PLXNC1: variants seen among roughly 807,000 people sequenced by gnomAD.
PLXNC1 encodes plexin-C1.
Under a neutral mutation model 178.2 loss-of-function variants are expected in PLXNC1, and 75 were observed. That is an observed-to-expected ratio of 0.42 (90% CI 0.35 to 0.51). PLXNC1 has a LOEUF of 0.51. Among genes scored for constraint, PLXNC1 ranks in the 20% least tolerant of loss-of-function variants. PLXNC1 has a pLI of 0.02. For synonymous variants in PLXNC1, 790 were observed against 779.9 expected (o/e 1.01, Z -0.22); for missense variants, 1,503 against 1,984.4 (o/e 0.76, Z 4.61).
chr12:94,205,478 TA>T (rs1469708627), intron 4 of PLXNC1, among the ~76,000 whole-genome samples: 4 of 152,250 alleles, frequency 2.6e-5, no homozygotes, highest in African/African-American at 9.6e-5. Flanking sequence ...TTTTGTGGGC[TA>T]ACCTGGAAAC....
At chr12:94,231,619 C>A (rs536455048) in intron 9 of PLXNC1, among the ~76,000 whole-genome samples, 1 of 152,278 alleles carries the variant, frequency 6.6e-6, no homozygotes, top group African/African-American at 2.4e-5. Flanking sequence ...TGTATCCTGA[C>A]CCTGAAACGT....
chr12:94,240,651 A>AC lies in PLXNC1; in HGVS notation c.2289dup (p.Thr764HisfsTer17). The AC allele has an allele frequency of 6.2e-7, 1 of 1,611,548 alleles. No individual in the cohort carries two copies. The highest frequency in any genetic ancestry group is 1.1e-5 in the South Asian group (1 of 90,886). ...ACATTGTTCCCTTATATTTCCTGCT[A>AC]CCACCTGGATCAGGTACTTTCTAGA... On this transcript the variant is annotated frameshift_variant, in exon 11 of 31. Transcript: ENST00000258526. LOFTEE classifies it high-confidence loss of function.
intron 4 of PLXNC1, among the ~76,000 whole-genome samples, chr12:94,205,084 G>A (rs956830693): frequency 2.0e-5 from 3 of 152,148 alleles, no homozygotes; most frequent in African/African-American, 7.2e-5. Context: ...GGTTGAGTAA[G>A]TGGTAAATTT....
chr12:94,160,808 T>C (rs1173544648), intron 1 of PLXNC1, among the ~76,000 whole-genome samples: 1 of 152,218 alleles, frequency 6.6e-6, no homozygotes, highest in Non-Finnish European at 1.5e-5. Context: ...AGATGTAATA[T>C]ATTAATATAT....
At chr12:94,202,431 G>A (rs1188261905) in intron 4 of PLXNC1, among the ~76,000 whole-genome samples, 1 of 152,208 alleles carries the variant, frequency 6.6e-6, no homozygotes, top group Non-Finnish European at 1.5e-5. Flanking sequence ...TCCCTTTGGG[G>A]GATTTACAGT....
At chr12:94,280,743 T>TA (rs1386015178) in intron 22 of PLXNC1, among the ~76,000 whole-genome samples, 1 of 152,224 alleles carries the variant, frequency 6.6e-6, no homozygotes, top group Non-Finnish European at 1.5e-5. Flanking sequence ...TGCAAATATG[T>TA]GGCTGTCACT....
intron 4 of PLXNC1, among the ~76,000 whole-genome samples, chr12:94,207,732 G>A (rs1963342468): frequency 6.6e-6 from 1 of 152,220 alleles, no homozygotes; most frequent in African/African-American, 2.4e-5. Flanking sequence ...GACAAGAAAT[G>A]CTATAGGAGT....
At chr12:94,175,421 C>T (rs2135949555) in intron 2 of PLXNC1, among the ~76,000 whole-genome samples, 1 of 152,198 alleles carries the variant, frequency 6.6e-6, no homozygotes, top group South Asian at 2.1e-4. Context: ...AATTTTTCTC[C>T]CCCCTCATTT....
rs1173288705 is a variant in PLXNC1, at chr12:94,265,325, C to CT, written c.3597+101dup. Reference sequence around the variant, plus strand: ...TTACAATGAAACGGTATCATCTCTACTGCGGGAGGCCCTGTGTGTTTAGTT... The same window carrying CT: ...TTACAATGAAACGGTATCATCTCTACTTGCGGGAGGCCCTGTGTGTTTAGTT... On this transcript the variant is annotated intron_variant, in intron 21 of 30. Transcript: ENST00000258526. 58 of 1,036,724 alleles carry CT rather than the reference C, an allele frequency of 5.6e-5. No individual in the cohort carries two copies. The East Asian group carries it at 1.4e-3, about 24-fold the overall frequency. The allele number at this position is 1,036,724 out of a possible 1,614,324, so 64.2% of individuals were successfully genotyped here. A position where few individuals can be genotyped will look rare whatever the true frequency, so the allele number is the denominator to read the frequency against.
At chr12:94,241,332 A>G (rs984391000) in intron 11 of PLXNC1, among the ~76,000 whole-genome samples, 1 of 152,160 alleles carries the variant, frequency 6.6e-6, no homozygotes, top group African/African-American at 2.4e-5. Flanking sequence ...CCATCACCTC[A>G]AGCACTTATC....
intron 20 of PLXNC1, 119 bp from the exon 21 acceptor site, chr12:94,264,960 A>G: frequency 2.0e-6 from 2 of 1,008,654 alleles, no homozygotes; most frequent in Admixed American, 2.3e-5. Context: ...TGGGCGTTTC[A>G]TGTTGAGTGT....
intron 9 of PLXNC1, among the ~76,000 whole-genome samples, chr12:94,228,681 C>T (rs1048075155): frequency 2.0e-5 from 3 of 152,142 alleles, no homozygotes; most frequent in Non-Finnish European, 4.4e-5. Flanking sequence ...TGGCGTCTTT[C>T]ACTTAGCATG....
chr12:94,154,300 G>C (rs1410963313), intron 1 of PLXNC1, among the ~76,000 whole-genome samples: 1 of 152,210 alleles, frequency 6.6e-6, no homozygotes, highest in African/African-American at 2.4e-5. Flanking sequence ...TTTAGAACCT[G>C]GGTGGTCCAG....
intron 21 of PLXNC1, among the ~76,000 whole-genome samples, chr12:94,268,971 G>A (rs10507036): frequency 0.12 from 18,049 of 152,034 alleles, 1,282 homozygotes; most frequent in African/African-American, 0.19. Flanking sequence ...TGTTGATGGA[G>A]TATCTCAGAC....
chr12:94,203,765 G>C (rs554137380), intron 4 of PLXNC1, among the ~76,000 whole-genome samples: 15 of 152,292 alleles, frequency 9.8e-5, no homozygotes, highest in Non-Finnish European at 1.6e-4. Context: ...AACAGTGCCT[G>C]GCCTATGGGC....
chr12:94,219,868 G>A, intron 5 of PLXNC1, 148 bp from the exon 6 acceptor site: 1 of 436,428 alleles, frequency 2.3e-6, no homozygotes, highest in African/African-American at 2.0e-5. Flanking sequence ...GTCTTGCTCT[G>A]TCACCCAGAA....
At chr12:94,214,692 C>T (rs1344797757) in intron 5 of PLXNC1, among the ~76,000 whole-genome samples, 6 of 152,134 alleles carry the variant, frequency 3.9e-5, no homozygotes, top group Non-Finnish European at 8.8e-5. Context: ...CTTTTAACTT[C>T]ATGAATAAAA....
chr12:94,221,044 G>A (rs1963783000), intron 6 of PLXNC1, among the ~76,000 whole-genome samples: 4 of 152,214 alleles, frequency 2.6e-5, no homozygotes, highest in Admixed American at 2.0e-4. Flanking sequence ...CCTGCGAGCT[G>A]TGATGAAACA....
intron 11 of PLXNC1, among the ~76,000 whole-genome samples, 163 bp from the exon 12 acceptor site, chr12:94,243,775 G>A (rs1038050152): frequency 4.6e-5 from 7 of 152,172 alleles, no homozygotes; most frequent in African/African-American, 1.7e-4. Context: ...ATCCTGAAAA[G>A]ATTCCCAAAA....
Sources: gnomAD v4.1 joint callset for allele counts (sites outside exome capture counted in the v4.1 genomes callset) on GRCh38, gnomAD v4.1.1 for gene constraint, MANE v1.5 for transcripts, NCBI Gene and HGNC (gene_info 2026-07-23, HGNC 2026-07-21) for gene names.